Variants in PRICKLE2 observed in about 807,000 individuals in gnomAD.
PRICKLE2 encodes the protein prickle planar cell polarity protein 2.
PRICKLE2 carries 21 observed loss-of-function variants against 81.4 expected under a neutral mutation model. The observed-to-expected ratio is 0.26, with a 90% CI of 0.18 to 0.37. The LOEUF (loss-of-function observed/expected upper bound fraction) is 0.37. Among genes scored for constraint, PRICKLE2 ranks in the 10% least tolerant of loss-of-function variants. The probability of loss-of-function intolerance (pLI) is 1.00; values close to 1 mark genes in which losing one functional copy is unlikely to be tolerated. For missense variants in PRICKLE2, 940 were observed against 1,109.0 expected (o/e 0.85, Z 2.16); for synonymous variants, 456 against 421.5 (o/e 1.08, Z -1.00).
rs976275526 is a variant in PRICKLE2, at chr3:64,098,074, A to C, written c.*977T>G. 1 of 152,802 alleles carries C rather than the reference A, an allele frequency of 6.5e-6. No homozygotes were observed. The highest frequency in any genetic ancestry group is 1.9e-4 in the East Asian group (1 of 5,182). The allele number at this position is 152,802 out of a possible 1,614,324, so 9.5% of individuals were successfully genotyped here. The stretch of plus-strand genomic sequence containing the variant: ...GAAAGCAGATAATACAATCCAGGAA[A>C]CATGAGCACCAGAACATAATGCCAC... On this transcript the variant is annotated 3_prime_UTR_variant, in exon 8 of 8. Transcript: ENST00000638394.
At chr3:64,190,745 G>C (rs153725) in intron 2 of PRICKLE2, among the ~76,000 whole-genome samples, 29,232 of 152,176 alleles carry the variant, frequency 0.19, 3,306 homozygotes, top group East Asian at 0.48. Context: ...CCAACTGGCA[G>C]AGAGGCCAAA....
chr3:64,117,429 C>T (rs1311775708), intron 7 of PRICKLE2, among the ~76,000 whole-genome samples: 1 of 152,202 alleles, frequency 6.6e-6, no homozygotes, highest in African/African-American at 2.4e-5. Context: ...TTGCAGATGA[C>T]ATGATCCTAT....
intron 6 of PRICKLE2, among the ~76,000 whole-genome samples, chr3:64,148,827 G>A (rs78219896): frequency 0.049 from 7,431 of 152,244 alleles, 279 homozygotes; most frequent in Non-Finnish European, 0.076. Context: ...GGTGCCTTGA[G>A]TTTGAACTTC....
At chr3:64,146,286 T>C in intron 7 of PRICKLE2, 1 of 162,634 alleles carries the variant, frequency 6.1e-6, no homozygotes, top group Non-Finnish European at 1.4e-5. Context: ...TTTCTCTCAC[T>C]CCCCTTCTCC....
chr3:64,099,928 G>A lies in PRICKLE2; in HGVS notation c.1661-3C>T, dbSNP rs1216443484. 6.2e-7 allele frequency: 1 copy of A among 1,613,924 alleles called. No homozygotes were observed. The highest frequency in any genetic ancestry group is 1.1e-5 in the South Asian group (1 of 91,066). ...GGCACCACCATCAGCAGAGAGGCCTGGGGAAGAGAGGAGGGGACCACAGAG... is the reference window on the plus strand; with the variant it reads ...GGCACCACCATCAGCAGAGAGGCCTAGGGAAGAGAGGAGGGGACCACAGAG... On this transcript the variant is annotated splice_region_variant and splice_polypyrimidine_tract_variant and intron_variant, in intron 7 of 7. Coordinates refer to ENST00000638394, the MANE Select transcript of PRICKLE2 (RefSeq NM_198859.4). This position sits in a 1 kb window ranked among gnomAD's most constrained non-coding sequence, Gnocchi z 4.3.
intron 2 of PRICKLE2, 45 bp from the exon 3 acceptor site, chr3:64,163,174 C>T (rs1175988560): frequency 8.7e-7 from 1 of 1,149,478 alleles, no homozygotes; most frequent in East Asian, 2.3e-5. Flanking sequence ...TTACTCAAAC[C>T]ATGTGCCTAT....
chr3:64,249,664 T>C (rs1231739246), intron 2 of PRICKLE2, among the ~76,000 whole-genome samples: 1 of 152,192 alleles, frequency 6.6e-6, no homozygotes, highest in Non-Finnish European at 1.5e-5. Context: ...CTACTGGTCA[T>C]CTGTTCTATT....
chr3:64,160,471 G>A (rs2077714457), intron 3 of PRICKLE2, among the ~76,000 whole-genome samples: 1 of 152,218 alleles, frequency 6.6e-6, no homozygotes, highest in Non-Finnish European at 1.5e-5. Flanking sequence ...TCATCTCCAT[G>A]TGCCCATGCA....
chr3:64,124,167 C>A (rs2077072321), intron 7 of PRICKLE2, among the ~76,000 whole-genome samples: 2 of 152,208 alleles, frequency 1.3e-5, no homozygotes, highest in South Asian at 4.1e-4. Context: ...GAAAAACAAA[C>A]CAGCCCACAA....
chr3:64,168,812 C>G (rs1201017794), intron 2 of PRICKLE2, among the ~76,000 whole-genome samples: 1 of 152,194 alleles, frequency 6.6e-6, no homozygotes, highest in Non-Finnish European at 1.5e-5. Flanking sequence ...TGGCTGACCA[C>G]AGAAACGATG....
chr3:64,199,287 C>A, intron 1 of PRICKLE2: 3 of 475,232 alleles, frequency 6.3e-6, no homozygotes, highest in Non-Finnish European at 1.1e-5. Context: ...CTAGGTAGAC[C>A]ACTGGATATG....
rs1218678084 is a variant in PRICKLE2, at chr3:64,139,258, C to T, written c.1660+7572G>A. Among the ~76,000 whole-genome samples, 8 of 152,324 alleles carry T rather than the reference C, an allele frequency of 5.3e-5. No individual in the cohort carries two copies. The East Asian group carries it at 5.8e-4, about 11-fold the overall frequency. On this transcript the variant is annotated intron_variant, in intron 7 of 7. Coordinates refer to ENST00000638394, the MANE Select transcript of PRICKLE2 (RefSeq NM_198859.4). The stretch of plus-strand genomic sequence containing the variant: ...AGGAAGCCCTTTCAGATTCCTGCTC[C>T]GTGTCTCCACTTATTCAGGCCAATA...
upstream of PRICKLE2, chr3:64,225,532 C>T: frequency 1.3e-6 from 1 of 764,124 alleles, no homozygotes; most frequent in Non-Finnish European, 1.6e-6. Flanking sequence ...TCTGGACGTC[C>T]CATCCTGCTG....
intron 2 of PRICKLE2, among the ~76,000 whole-genome samples, chr3:64,192,674 G>A (rs899820665): frequency 1.3e-5 from 2 of 152,160 alleles, no homozygotes; most frequent in African/African-American, 2.4e-5. Context: ...TACCACTTAT[G>A]AGACAATGCT....
chr3:64,107,332 A>G (rs1173513086), intron 7 of PRICKLE2, among the ~76,000 whole-genome samples: 1 of 152,174 alleles, frequency 6.6e-6, no homozygotes, highest in Non-Finnish European at 1.5e-5. Context: ...AATGTTCTTC[A>G]AAGAATGCTC....
At position 64,248,610 on chromosome 3, in the gene PRICKLE2, T is replaced by A. The variant is rs114785437; in HGVS notation, c.129-49643A>T. On this transcript the variant is annotated intron_variant, in intron 2 of 8. Coordinates refer to the PRICKLE2 transcript ENST00000295902. ...AAGACAAACCCAGCTGGAAAAACCT[T>A]GTCCTTTCATTTGATATCATATATT... is the stretch of plus-strand genomic sequence containing the variant. Among the ~76,000 whole-genome samples the A allele has an allele frequency of 1.4e-3, 212 of 151,904 alleles. 1 individual carries two copies. Among genetic ancestry groups the A allele is most frequent in the African/African-American group, 4.8e-3 (201 of 41,452 alleles).
intron 2 of PRICKLE2, among the ~76,000 whole-genome samples, chr3:64,183,065 G>C (rs113664223): frequency 2.8e-3 from 423 of 152,230 alleles, no homozygotes; most frequent in African/African-American, 9.5e-3. Flanking sequence ...ATCATGTGCT[G>C]CTTGCAGAGT....
chr3:64,119,312 C>A (rs931270269), intron 7 of PRICKLE2, among the ~76,000 whole-genome samples: 1 of 151,986 alleles, frequency 6.6e-6, no homozygotes, highest in Non-Finnish European at 1.5e-5. Context: ...TACAACAAAC[C>A]CCCATAACAC....
rs1331633551 is a variant in PRICKLE2 at position 64,094,943 on chromosome 3, C to T, written c.*4108G>A. On this transcript the variant is annotated 3_prime_UTR_variant, in exon 8 of 8. Transcript: ENST00000638394. The stretch of plus-strand genomic sequence containing the variant: ...CAGTTGCTAATAGCAACTGTCCTGG[C>T]ATGAAGTATTCAGATAACTGGTTCA... 1 of 152,684 alleles carries T rather than the reference C, an allele frequency of 6.5e-6. No homozygotes were observed. The highest frequency in any genetic ancestry group is 1.9e-4 in the East Asian group (1 of 5,194). 9.5% of individuals were successfully genotyped at this position (152,684 alleles called of 1,614,324 possible).
Sources: gnomAD v4.1 joint callset for allele counts (sites outside exome capture counted in the v4.1 genomes callset) on GRCh38, gnomAD v4.1.1 for gene constraint, Gnocchi (gnomAD v3.1) non-coding constraint, MANE v1.5 for transcripts, NCBI Gene and HGNC (gene_info 2026-07-23, HGNC 2026-07-21) for gene names.